SPPL2A: variants seen among roughly 807,000 people sequenced by gnomAD.
SPPL2A encodes signal peptide peptidase-like 2A.
Under a neutral mutation model 63.8 loss-of-function variants are expected in SPPL2A, and 51 were observed. That is an observed-to-expected ratio of 0.80 (90% CI 0.64 to 1.01). The LOEUF (loss-of-function observed/expected upper bound fraction) is 1.01, where lower values mean the gene tolerates loss of function less well. Among genes scored for constraint, SPPL2A ranks in the 50% least tolerant of loss-of-function variants. The probability of loss-of-function intolerance (pLI) is 0.00; values close to 1 mark genes in which losing one functional copy is unlikely to be tolerated. For missense variants in SPPL2A, 553 were observed against 622.7 expected (o/e 0.89, Z 1.19); for synonymous variants, 188 against 205.8 (o/e 0.91, Z 0.74).
chr15:50,710,701 C>T (rs2062549071), intron 14 of SPPL2A, among the ~76,000 whole-genome samples: 2 of 152,134 alleles, frequency 1.3e-5, no homozygotes, highest in South Asian at 4.1e-4. Flanking sequence ...CTCATTAATG[C>T]AGGGTAACTG....
chr15:50,746,122 G>T (rs991013189), intron 5 of SPPL2A, among the ~76,000 whole-genome samples: 2 of 150,814 alleles, frequency 1.3e-5, no homozygotes, highest in South Asian at 4.2e-4. Context: ...CAATTTATCC[G>T]TGACTTTATA....
intron 14 of SPPL2A, 24 bp from the exon 15 acceptor site, chr15:50,707,898 G>T: frequency 7.3e-7 from 1 of 1,377,466 alleles, no homozygotes; most frequent in Non-Finnish European, 1.0e-6. Context: ...AAAGACGTTA[G>T]GAAATGCAAA....
chr15:50,717,224 G>C lies in SPPL2A; in HGVS notation c.1488+2716C>G, dbSNP rs567150500. Among the ~76,000 whole-genome samples, 16 of 152,226 alleles carry C rather than the reference G, an allele frequency of 1.1e-4. 1 individual carries two copies. The highest frequency in any genetic ancestry group is 3.9e-4 in the African/African-American group (16 of 41,526). ...TCTCACTCGCTCTGTTGCCCGGGCT[G>C]AGTGCAGTGGTGCAATCATGGCCCA... On this transcript the variant is annotated intron_variant, in intron 14 of 14. Transcript: ENST00000261854.
intron 6 of SPPL2A, among the ~76,000 whole-genome samples, chr15:50,738,610 T>G (rs1346705411): frequency 6.6e-6 from 1 of 152,102 alleles, no homozygotes; most frequent in African/African-American, 2.4e-5. Flanking sequence ...GTCCAGAAAT[T>G]TATGCTAATG....
At chr15:50,763,485 C>A (rs566800057) in intron 1 of SPPL2A, among the ~76,000 whole-genome samples, 1 of 152,330 alleles carries the variant, frequency 6.6e-6, no homozygotes, top group South Asian at 2.1e-4. Flanking sequence ...ATAAGATGCA[C>A]ACCAAACATT....
intron 1 of SPPL2A, among the ~76,000 whole-genome samples, chr15:50,751,431 C>A (rs577919781): frequency 9.3e-4 from 142 of 152,288 alleles, no homozygotes; most frequent in African/African-American, 3.3e-3. Context: ...GATAATCCTG[C>A]AGATAAACAT....
rs992810478 is a variant in SPPL2A at position 50,737,556 on chromosome 15, G to A, written c.734-816C>T. ...CAACCTCCGCCTCCCAGGCTTAAGC[G>A]ACTCTCCTGCCTCAGCCCCTTGAGG... On this transcript the variant is annotated intron_variant, in intron 6 of 14. Transcript: ENST00000261854. Among the ~76,000 whole-genome samples, 46 of 152,114 alleles carry A rather than the reference G, an allele frequency of 3.0e-4. 2 individuals carry two copies. Among genetic ancestry groups the A allele is most frequent in the Admixed American group, 2.6e-3 (39 of 15,270 alleles).
intron 14 of SPPL2A, among the ~76,000 whole-genome samples, chr15:50,713,257 C>G (rs2062573508): frequency 6.6e-6 from 1 of 151,014 alleles, no homozygotes; most frequent in Admixed American, 6.6e-5. Context: ...AAAAAATACT[C>G]TTTCCTGAGT....
intron 1 of SPPL2A, among the ~76,000 whole-genome samples, chr15:50,752,366 G>A (rs1263701700): frequency 6.6e-6 from 1 of 151,858 alleles, no homozygotes; most frequent in Non-Finnish European, 1.5e-5. Context: ...TGGATCTCCT[G>A]AGGTCAGGAG....
intron 1 of SPPL2A, among the ~76,000 whole-genome samples, chr15:50,754,056 C>T (rs1317452509): frequency 6.6e-6 from 1 of 152,204 alleles, no homozygotes; most frequent in Non-Finnish European, 1.5e-5. Context: ...CTCAGCCTCC[C>T]AAAGTGCTGG....
chr15:50,736,462 T>G (rs1197727736), intron 7 of SPPL2A, among the ~76,000 whole-genome samples, 182 bp downstream of exon 7: 4 of 152,216 alleles, frequency 2.6e-5, no homozygotes, highest in Non-Finnish European at 5.9e-5. Flanking sequence ...GCACTTGAAA[T>G]GTGGCTAATA....
chr15:50,710,874 C>T (rs1173384854), intron 14 of SPPL2A, among the ~76,000 whole-genome samples: 1 of 151,994 alleles, frequency 6.6e-6, no homozygotes, highest in Non-Finnish European at 1.5e-5. Context: ...TACTACCTGC[C>T]CAGAGAAAAA....
intron 1 of SPPL2A, among the ~76,000 whole-genome samples, 183 bp downstream of exon 1, chr15:50,765,270 AAAGAGGGTGGAAAAG>A (rs1468010056): frequency 1.3e-5 from 2 of 151,370 alleles, no homozygotes; most frequent in Non-Finnish European, 2.9e-5. Flanking sequence ...AAGTTGGGGG[AAAGAGGGTGGAAAAG>A]AGGAGGGTGG....
intron 1 of SPPL2A, among the ~76,000 whole-genome samples, chr15:50,756,789 T>G (rs1006756738): frequency 6.6e-6 from 1 of 152,136 alleles, no homozygotes; most frequent in Admixed American, 6.6e-5. Flanking sequence ...TCATCTTATA[T>G]ATGAAACAGA....
rs1343087844 is a variant in SPPL2A at position 50,755,291 on chromosome 15, C to T, written c.67-5545G>A. Among the ~76,000 whole-genome samples, 3 of 150,358 alleles carry T rather than the reference C, an allele frequency of 2.0e-5. No homozygotes were observed. The East Asian group carries it at 5.9e-4, about 30-fold the overall frequency. ...CAAGATCGCACCACTGCATTCCAGCCTGGGTGACAGAACGAGACTCTGTCT... is the reference window on the plus strand; with the variant it reads ...CAAGATCGCACCACTGCATTCCAGCTTGGGTGACAGAACGAGACTCTGTCT... On this transcript the variant is annotated intron_variant, in intron 1 of 14. Coordinates refer to ENST00000261854, the MANE Select transcript of SPPL2A (RefSeq NM_032802.4).
intron 1 of SPPL2A, among the ~76,000 whole-genome samples, chr15:50,756,662 G>C (rs1309820272): frequency 1.3e-5 from 2 of 152,168 alleles, no homozygotes; most frequent in African/African-American, 4.8e-5. Context: ...GAGGTGGGAA[G>C]ATCGCTTGAG....
At position 50,705,351 on chromosome 15, in the gene SPPL2A, A is replaced by T. The variant is rs886313400; in HGVS notation, c.*2449T>A. On this transcript the variant is annotated 3_prime_UTR_variant, in exon 15 of 15. Coordinates refer to ENST00000261854, the MANE Select transcript of SPPL2A (RefSeq NM_032802.4). The stretch of plus-strand genomic sequence containing the variant: ...GGAGACTCCATTTCCAAAAAAAAAA[A>T]AAAGAAATTAATTATCTCATTTCGA... The T allele has an allele frequency of 2.6e-5, 4 of 152,088 alleles. No homozygotes were observed. Among genetic ancestry groups the T allele is most frequent in the African/African-American group, 9.7e-5 (4 of 41,416 alleles). The allele number at this position is 152,088 out of a possible 1,614,324, so 9.4% of individuals were successfully genotyped here.
chr15:50,739,649 A>T, intron 6 of SPPL2A, 31 bp downstream of exon 6: 1 of 1,456,940 alleles, frequency 6.9e-7, no homozygotes, highest in Non-Finnish European at 9.2e-7. Context: ...ATGTATGTTA[A>T]CAGTAGCAAA....
chr15:50,733,586 C>T (rs2062747077), intron 8 of SPPL2A, among the ~76,000 whole-genome samples: 1 of 152,074 alleles, frequency 6.6e-6, no homozygotes, highest in East Asian at 1.9e-4. Context: ...TGGGGAAATG[C>T]TCCAGGACAT....
Sources: gnomAD v4.1 joint callset for allele counts (sites outside exome capture counted in the v4.1 genomes callset) on GRCh38, gnomAD v4.1.1 for gene constraint, MANE v1.5 for transcripts, NCBI Gene and HGNC (gene_info 2026-07-23, HGNC 2026-07-21) for gene names.